Variants in RNF216 observed in about 807,000 individuals in gnomAD.
RNF216 encodes ring finger protein 216.
In RNF216, 72 loss-of-function variants were observed where a neutral mutation model predicts 110.8. That is an observed-to-expected ratio of 0.65 (90% CI 0.54 to 0.79). The LOEUF is 0.79. RNF216 is among the 30% of genes least tolerant of loss of function. The pLI, the probability that RNF216 is intolerant of heterozygous loss-of-function variation, is 0.00. For synonymous variants in RNF216, 495 were observed against 407.5 expected, an observed-to-expected ratio of 1.21 and a Z score of -2.59; for missense variants, 1,342 against 1,141.2, an observed-to-expected ratio of 1.18 and a Z score of -2.54.
chr7:5,641,894 G>C (rs979790799), intron 14 of RNF216, among the ~76,000 whole-genome samples: 1 of 151,848 alleles, frequency 6.6e-6, no homozygotes, highest in South Asian at 2.1e-4. Flanking sequence ...TTTGCCAGGC[G>C]TGGTAGTGCA....
chr7:5,714,151 T>C (rs752758722), intron 11 of RNF216, among the ~76,000 whole-genome samples: 1 of 152,186 alleles, frequency 6.6e-6, no homozygotes, highest in Non-Finnish European at 1.5e-5. Context: ...TTAGCAGAGA[T>C]GGGGTTTCAC....
chr7:5,674,068 C>T (rs117572252), intron 13 of RNF216, among the ~76,000 whole-genome samples: 5,676 of 151,396 alleles, frequency 0.037, 155 homozygotes, highest in South Asian at 0.071. Context: ...CTTGCCTTGT[C>T]GCCCAGGCTG....
At chr7:5,738,898 AAC>A (rs1425682702) in intron 5 of RNF216, among the ~76,000 whole-genome samples, 6 of 152,156 alleles carry the variant, frequency 3.9e-5, no homozygotes, top group Non-Finnish European at 8.8e-5. Flanking sequence ...AAATCCAGAA[AAC>A]AGTCTGTGTA....
chr7:5,724,727 A>G (rs1400559993), intron 8 of RNF216, among the ~76,000 whole-genome samples: 1 of 152,220 alleles, frequency 6.6e-6, no homozygotes, highest in Non-Finnish European at 1.5e-5. Context: ...TACACATGTA[A>G]CAGAAAGGGA....
intron 13 of RNF216, among the ~76,000 whole-genome samples, chr7:5,658,053 C>A (rs549617261): frequency 4.8e-4 from 73 of 152,332 alleles, no homozygotes; most frequent in African/African-American, 1.5e-3. Context: ...TGCACGCACA[C>A]ACGGCAGGGG....
rs1451588926 is a variant in RNF216, at chr7:5,663,589, A to G, written c.2062-11079T>C. Among the ~76,000 whole-genome samples the G allele has an allele frequency of 5.4e-5, 8 of 147,542 alleles. No individual in the cohort carries two copies. In the South Asian group the frequency reaches 1.3e-3, roughly 24 times the overall value. ...ACACAGCGAGACTCCACCTCAGGAA[A>G]AAAAAAAAAAAAAAAAAAAGTTCAC... On this transcript the variant is annotated intron_variant, in intron 13 of 16. Coordinates refer to ENST00000389902, the MANE Select transcript of RNF216 (RefSeq NM_207111.4).
At chr7:5,762,261 A>T (rs567522160) in intron 1 of RNF216, among the ~76,000 whole-genome samples, 1 of 152,100 alleles carries the variant, frequency 6.6e-6, no homozygotes, top group South Asian at 2.1e-4. Context: ...GGTGGCTCAC[A>T]CCTGTAATCC....
At chr7:5,708,602 C>A (rs1050774992) in intron 13 of RNF216, among the ~76,000 whole-genome samples, 7 of 152,192 alleles carry the variant, frequency 4.6e-5, no homozygotes, top group Non-Finnish European at 8.8e-5. Context: ...AGGCTTCCTG[C>A]AAGAAGATTT....
At chr7:5,700,888 C>T (rs956901037) in intron 13 of RNF216, among the ~76,000 whole-genome samples, 3 of 152,112 alleles carry the variant, frequency 2.0e-5, no homozygotes, top group Non-Finnish European at 2.9e-5. Flanking sequence ...GAAGACAAAC[C>T]CTGGATTTCC....
At chr7:5,776,899 CAAAAAAA>C (rs754872404) in intron 1 of RNF216, among the ~76,000 whole-genome samples, 3 of 83,596 alleles carry the variant, frequency 3.6e-5, no homozygotes, top group Admixed American at 1.5e-4. Context: ...AGACTCTGTC[CAAAAAAA>C]AAAAAAAAAA....
At chr7:5,676,356 T>C (rs1790296985) in intron 13 of RNF216, among the ~76,000 whole-genome samples, 1 of 152,230 alleles carries the variant, frequency 6.6e-6, no homozygotes, top group African/African-American at 2.4e-5. Context: ...ATATACCTTA[T>C]AATTTTATGC....
rs145721455 is a variant in RNF216, at chr7:5,685,577, A to G, written c.2061+26184T>C. On this transcript the variant is annotated intron_variant, in intron 13 of 16. Coordinates refer to ENST00000389902, the MANE Select transcript of RNF216 (RefSeq NM_207111.4). The stretch of plus-strand genomic sequence containing the variant: ...TATTACTTTTTCCTCTTTCCTCAGC[A>G]AACTGAAAAGACAAAGCGGTGAGCT... Among the ~76,000 whole-genome samples the G allele has an allele frequency of 6.6e-5, 10 of 152,344 alleles. No individual in the cohort carries two copies. The East Asian group carries it at 1.7e-3, about 26-fold the overall frequency.
intron 4 of RNF216, among the ~76,000 whole-genome samples, chr7:5,740,104 C>CTTTTTTTTTTTTGTTTTTT (rs1794670385): frequency 8.4e-6 from 1 of 118,502 alleles, no homozygotes; most frequent in Non-Finnish European, 1.7e-5. Context: ...GATGTAACAC[C>CTTTTTTTTTTTTGTTTTTT]TTTTTTTTTT....
At chr7:5,764,007 G>A (rs550428987) in intron 1 of RNF216, among the ~76,000 whole-genome samples, 1 of 152,076 alleles carries the variant, frequency 6.6e-6, no homozygotes, top group Non-Finnish European at 1.5e-5. Flanking sequence ...TGGCCAACAT[G>A]GGCGAAACCC....
intron 7 of RNF216, 113 bp from the exon 8 acceptor site, chr7:5,725,551 C>T (rs1793698716): frequency 1.5e-6 from 1 of 682,010 alleles, no homozygotes; most frequent in Non-Finnish European, 2.6e-6. Context: ...CCCAGCATGG[C>T]TAACAATTGG....
At chr7:5,759,503 C>A (rs943331534) in intron 2 of RNF216, among the ~76,000 whole-genome samples, 1 of 152,096 alleles carries the variant, frequency 6.6e-6, no homozygotes, top group Non-Finnish European at 1.5e-5. Flanking sequence ...CTGTAGCTCA[C>A]TTTATTGTAA....
chr7:5,738,607 C>T (rs190719081), intron 5 of RNF216, among the ~76,000 whole-genome samples: 1 of 147,348 alleles, frequency 6.8e-6, no homozygotes, highest in Non-Finnish European at 1.5e-5. Flanking sequence ...ACTCGGGAGG[C>T]TGAGGCAGGA....
At chr7:5,729,387 T>C in intron 7 of RNF216, 45 bp downstream of exon 7, 4 of 1,583,080 alleles carry the variant, frequency 2.5e-6, no homozygotes, top group Non-Finnish European at 3.5e-6. Context: ...CATGGGAAGA[T>C]GTAGTCAAGA....
intron 1 of RNF216, among the ~76,000 whole-genome samples, chr7:5,770,423 T>A (rs1434441573): frequency 6.7e-6 from 1 of 149,610 alleles, no homozygotes; most frequent in Non-Finnish European, 1.5e-5. Flanking sequence ...ATCATGCCAA[T>A]GCACTCCAGC....
Sources: gnomAD v4.1 joint callset for allele counts (sites outside exome capture counted in the v4.1 genomes callset) on GRCh38, gnomAD v4.1.1 for gene constraint, MANE v1.5 for transcripts, NCBI Gene and HGNC (gene_info 2026-07-23, HGNC 2026-07-21) for gene names.